SP100: variants seen among roughly 807,000 people sequenced by gnomAD.
The protein encoded by SP100 is nuclear autoantigen Sp-100.
A neutral mutation model predicts 130.0 loss-of-function variants in SP100; 84 were observed. The ratio of observed to expected loss-of-function variants is 0.65; its 90% CI spans 0.54 to 0.77. The LOEUF is 0.77. Among genes scored for constraint, SP100 ranks in the 30% least tolerant of loss-of-function variants. The pLI, the probability that SP100 is intolerant of heterozygous loss-of-function variation, is 0.00. For synonymous variants in SP100, 331 were observed against 351.7 expected (o/e 0.94, Z 0.66); for missense variants, 978 against 1,052.2 (o/e 0.93, Z 0.97).
rs996640963 is a variant in SP100 at position 230,477,571 on chromosome 2, G to A, written c.1600+3124G>A. ...TCTCCACACTATGGCATGGTGACAT[G>A]GTGATTTGAATCACCACTTTGATTA... On this transcript the variant is annotated intron_variant, in intron 17 of 28. Transcript: ENST00000340126. Among the ~76,000 whole-genome samples the A allele has an allele frequency of 2.6e-5, 4 of 152,234 alleles. No homozygotes were observed. In the South Asian group the frequency reaches 6.2e-4, roughly 24 times the overall value.
At chr2:230,428,018 G>C (rs1377701759) in intron 2 of SP100, among the ~76,000 whole-genome samples, 1 of 152,136 alleles carries the variant, frequency 6.6e-6, no homozygotes, top group Admixed American at 6.5e-5. Flanking sequence ...ATCACTTGAG[G>C]TCAGGAGTTT....
chr2:230,504,030 G>A (rs907547628), intron 20 of SP100, among the ~76,000 whole-genome samples, 156 bp from the exon 21 acceptor site: 2 of 152,090 alleles, frequency 1.3e-5, no homozygotes, highest in Admixed American at 6.6e-5. Context: ...GCTATCTAAT[G>A]TGCCATGAAA....
intron 18 of SP100, 116 bp downstream of exon 18, chr2:230,494,576 C>T (rs2066563171): frequency 1.4e-6 from 1 of 737,770 alleles, no homozygotes; most frequent in Non-Finnish European, 2.4e-6. Context: ...AGCTTCAGAC[C>T]TCATGGATTC....
intron 19 of SP100, 75 bp from the exon 20 acceptor site, chr2:230,502,990 AT>A: frequency 8.6e-7 from 1 of 1,157,890 alleles, no homozygotes; most frequent in Admixed American, 2.2e-5. Flanking sequence ...GAAAAGTTGC[AT>A]TTGAATGGTG....
intron 2 of SP100, among the ~76,000 whole-genome samples, chr2:230,439,258 T>C (rs1392361244): frequency 6.6e-6 from 1 of 152,208 alleles, no homozygotes; most frequent in Non-Finnish European, 1.5e-5. Flanking sequence ...AATTTTTGCT[T>C]AGTCTTGCTT....
At position 230,454,215 on chromosome 2, in the gene SP100, TTTTG is replaced by T. The variant is rs563931620; in HGVS notation, c.820+3964_820+3967del. Reference sequence around the variant, plus strand: ...CTTAGTCTAGCTAAAGCTTTCTCAATTTTGTTTATTTTTTCAAAAAGCCAGTGCT... The same window carrying T: ...CTTAGTCTAGCTAAAGCTTTCTCAATTTTATTTTTTCAAAAAGCCAGTGCT... On this transcript the variant is annotated intron_variant, in intron 8 of 28. Coordinates refer to ENST00000340126, the MANE Select transcript of SP100 (RefSeq NM_001080391.2). Among the ~76,000 whole-genome samples, 104 of 152,274 alleles carry T rather than the reference TTTTG, an allele frequency of 6.8e-4. 1 individual carries two copies. In the South Asian group the frequency reaches 0.012, roughly 18 times the overall value.
intron 2 of SP100, among the ~76,000 whole-genome samples, chr2:230,433,471 T>C (rs2063155145): frequency 6.6e-6 from 1 of 152,168 alleles, no homozygotes; most frequent in Non-Finnish European, 1.5e-5. Context: ...GTTTTGGATA[T>C]TCTGGGTTCT....
intron 9 of SP100, 51 bp downstream of exon 9, chr2:230,461,465 A>G (rs752729890): frequency 6.3e-7 from 1 of 1,587,140 alleles, no homozygotes; most frequent in Non-Finnish European, 8.6e-7. Context: ...TTACCAGGTA[A>G]GGGGCTCAGG....
intron 17 of SP100, among the ~76,000 whole-genome samples, chr2:230,475,890 G>T (rs1349709716): frequency 6.6e-6 from 1 of 152,094 alleles, no homozygotes; most frequent in South Asian, 2.1e-4. Flanking sequence ...TGTTCCACTG[G>T]TCTATGTGTC....
At chr2:230,421,130 CG>C (rs1559478603) in intron 2 of SP100, among the ~76,000 whole-genome samples, 1 of 151,970 alleles carries the variant, frequency 6.6e-6, no homozygotes. Flanking sequence ...AACATCCTCC[CG>C]CCCCTCCCCG....
chr2:230,474,338 T>C (rs1559508471), intron 16 of SP100, 56 bp from the exon 17 acceptor site: 1 of 899,040 alleles, frequency 1.1e-6, no homozygotes, highest in East Asian at 2.5e-5. Context: ...TGTCATAAGA[T>C]TTATAAATTT....
At chr2:230,538,971 G>A in intron 24 of SP100, 1 of 254,610 alleles carries the variant, frequency 3.9e-6, no homozygotes, top group Non-Finnish European at 7.9e-6. Context: ...TTCTGGGCCA[G>A]GTTTTCCCAG....
At chr2:230,509,878 T>C (rs1690446231) in intron 23 of SP100, 1 of 152,220 alleles carries the variant, frequency 6.6e-6, no homozygotes, top group Admixed American at 6.5e-5. Context: ...TATGTATCCA[T>C]TAAACAAACA....
chr2:230,475,021 A>G (rs1465150948), intron 17 of SP100, among the ~76,000 whole-genome samples: 1 of 151,940 alleles, frequency 6.6e-6, no homozygotes, highest in Non-Finnish European at 1.5e-5. Context: ...TTTTGATAGA[A>G]CAAGTTATTT....
intron 11 of SP100, among the ~76,000 whole-genome samples, chr2:230,464,367 A>G (rs1025799283): frequency 6.6e-6 from 1 of 152,204 alleles, no homozygotes; most frequent in African/African-American, 2.4e-5. Flanking sequence ...GATTGGTTCA[A>G]TCGATTGATA....
At chr2:230,487,365 G>A (rs1205303838) in intron 17 of SP100, among the ~76,000 whole-genome samples, 2 of 152,122 alleles carry the variant, frequency 1.3e-5, no homozygotes, top group African/African-American at 4.8e-5. Context: ...ATAAGCAAGG[G>A]GTCCAGTTTC....
intron 24 of SP100, among the ~76,000 whole-genome samples, chr2:230,523,754 T>A (rs1180497165): frequency 6.6e-6 from 1 of 150,420 alleles, no homozygotes; most frequent in Non-Finnish European, 1.5e-5. Context: ...ATTAAAAATT[T>A]AAAAATTAGC....
intron 24 of SP100, among the ~76,000 whole-genome samples, chr2:230,511,650 T>C (rs756168714): frequency 1.0e-5 from 1 of 99,134 alleles, no homozygotes; most frequent in Non-Finnish European, 2.0e-5. Context: ...TCATTAGTTC[T>C]GCAGAGGAAG....
At chr2:230,492,375 A>G (rs1307881091) in intron 17 of SP100, among the ~76,000 whole-genome samples, 2 of 152,082 alleles carry the variant, frequency 1.3e-5, no homozygotes, top group Non-Finnish European at 1.5e-5. Context: ...GTGGTGCAAT[A>G]TTAGCTGCAA....
Sources: gnomAD v4.1 joint callset for allele counts (sites outside exome capture counted in the v4.1 genomes callset) on GRCh38, gnomAD v4.1.1 for gene constraint, MANE v1.5 for transcripts, NCBI Gene and HGNC (gene_info 2026-07-23, HGNC 2026-07-21) for gene names.